Variants in CCNY observed in about 807,000 individuals in gnomAD.
CCNY encodes cyclin-Y.
Under a neutral mutation model 42.8 loss-of-function variants are expected in CCNY, and 19 were observed. That is an observed-to-expected ratio of 0.44 (90% confidence interval 0.31 to 0.65). The LOEUF is 0.65. Ranked by LOEUF, CCNY falls within the 30% of genes least tolerant of loss-of-function variation. The pLI is 0.07. For synonymous variants in CCNY, 165 were observed against 162.7 expected, an observed-to-expected ratio of 1.01 and a Z score of -0.11; for missense variants, 370 against 437.3, an observed-to-expected ratio of 0.85 and a Z score of 1.37.
At chr10:35,525,872 G>T in intron 4 of CCNY, 92 bp from the exon 5 acceptor site, 2 of 1,114,900 alleles carry the variant, frequency 1.8e-6, no homozygotes, top group Non-Finnish European at 2.6e-6. Context: ...TTTTACTTCT[G>T]TTTAAATATT....
intron 1 of CCNY, among the ~76,000 whole-genome samples, chr10:35,462,859 G>A (rs1174086763): frequency 1.3e-5 from 2 of 152,252 alleles, no homozygotes; most frequent in Non-Finnish European, 2.9e-5. Flanking sequence ...GCACTGCTGT[G>A]CTGTGAGGAA....
chr10:35,421,540 T>G (rs1390945572), intron 1 of CCNY, among the ~76,000 whole-genome samples: 1 of 152,222 alleles, frequency 6.6e-6, no homozygotes, highest in Non-Finnish European at 1.5e-5. Flanking sequence ...GACCAAGTAA[T>G]TTTATTTTGC....
chr10:35,505,313 A>T (rs1460171178), intron 3 of CCNY, among the ~76,000 whole-genome samples: 1 of 151,874 alleles, frequency 6.6e-6, no homozygotes, highest in African/African-American at 2.4e-5. Flanking sequence ...ATGAATGAGG[A>T]GTTGAATAGC....
In CCNY at chr10:35,502,447, G is replaced by A. The variant is rs1840129918; in HGVS notation, c.264+912G>A. ...TATTAAAGAGACTTAAAGCCATAATGTTGTATTCTCTGCCCTTTGAAAATA... is the reference window on the plus strand; with the variant it reads ...TATTAAAGAGACTTAAAGCCATAATATTGTATTCTCTGCCCTTTGAAAATA... On this transcript the variant is annotated intron_variant, in intron 3 of 9. Coordinates refer to ENST00000374704, the MANE Select transcript of CCNY (RefSeq NM_145012.6). Among the ~76,000 whole-genome samples the A allele has an allele frequency of 3.9e-5, 6 of 152,330 alleles. No individual in the cohort carries two copies. The South Asian group carries it at 1.2e-3, about 32-fold the overall frequency.
intron 1 of CCNY, among the ~76,000 whole-genome samples, chr10:35,344,641 T>C (rs1836259715): frequency 6.6e-6 from 1 of 152,170 alleles, no homozygotes; most frequent in Non-Finnish European, 1.5e-5. Flanking sequence ...TTATTACATA[T>C]GTATACATGT....
intron 1 of CCNY, among the ~76,000 whole-genome samples, chr10:35,414,760 C>T (rs919212461): frequency 2.0e-5 from 3 of 152,128 alleles, no homozygotes; most frequent in East Asian, 1.9e-4. Context: ...GAGATTTTCA[C>T]GGTGAAGGTG....
intron 3 of CCNY, among the ~76,000 whole-genome samples, chr10:35,502,832 C>T (rs1433101802): frequency 6.6e-6 from 1 of 151,852 alleles, no homozygotes; most frequent in African/African-American, 2.4e-5. Context: ...GCTTCCATTT[C>T]TTTGCCTGCT....
chr10:35,453,485 A>T (rs1487235074), intron 1 of CCNY, among the ~76,000 whole-genome samples: 1 of 152,224 alleles, frequency 6.6e-6, no homozygotes, highest in Non-Finnish European at 1.5e-5. Flanking sequence ...TGAACATCAG[A>T]TCATCTCAGC....
chr10:35,438,256 C>T (rs1838583527), intron 1 of CCNY, among the ~76,000 whole-genome samples: 1 of 151,764 alleles, frequency 6.6e-6, no homozygotes, highest in South Asian at 2.1e-4. Context: ...TAAAGCTGTC[C>T]TCCCACCTCA....
intron 8 of CCNY, among the ~76,000 whole-genome samples, chr10:35,555,078 T>C (rs1356896958): frequency 6.6e-6 from 1 of 152,200 alleles, no homozygotes; most frequent in Non-Finnish European, 1.5e-5. Context: ...GCCCAGTTCA[T>C]GCATATGTCA....
intron 2 of CCNY, among the ~76,000 whole-genome samples, chr10:35,486,716 C>T (rs181548596): frequency 6.6e-5 from 10 of 152,366 alleles, no homozygotes; most frequent in Admixed American, 1.3e-4. Context: ...CCTTCCTTCC[C>T]AGCCAACTTC....
At chr10:35,531,043 C>G (rs559941407) in intron 7 of CCNY, among the ~76,000 whole-genome samples, 52 of 152,282 alleles carry the variant, frequency 3.4e-4, no homozygotes, top group Admixed American at 6.5e-4. Flanking sequence ...CACTCCAGCC[C>G]GAGGGGCAGA....
At chr10:35,345,284 G>A (rs901955557) in intron 1 of CCNY, among the ~76,000 whole-genome samples, 2 of 152,100 alleles carry the variant, frequency 1.3e-5, no homozygotes, top group African/African-American at 2.4e-5. Context: ...GTGTGAGATG[G>A]TATCTCATTA....
chr10:35,472,097 T>G (rs1839402328), intron 1 of CCNY, among the ~76,000 whole-genome samples: 1 of 152,224 alleles, frequency 6.6e-6, no homozygotes, highest in Non-Finnish European at 1.5e-5. Flanking sequence ...GTGCTGTGGC[T>G]TAATGTTTTT....
chr10:35,457,093 T>C (rs774699009), intron 1 of CCNY, among the ~76,000 whole-genome samples: 1 of 152,254 alleles, frequency 6.6e-6, no homozygotes. Context: ...TGTTACAGAT[T>C]GGTTCCACTG....
At chr10:35,494,648 A>G (rs1317665948) in intron 2 of CCNY, among the ~76,000 whole-genome samples, 1 of 152,248 alleles carries the variant, frequency 6.6e-6, no homozygotes, top group Non-Finnish European at 1.5e-5. Context: ...AAATATCACA[A>G]TCTATAGGAA....
At chr10:35,302,988 G>A (rs1224333378) in intron 3 of CCNY, among the ~76,000 whole-genome samples, 1 of 152,052 alleles carries the variant, frequency 6.6e-6, no homozygotes, top group East Asian at 1.9e-4. Context: ...TTGAGGTCAG[G>A]AATTCCAGAC....
At chr10:35,566,930 T>C (rs1019490548) in intron 9 of CCNY, among the ~76,000 whole-genome samples, 4 of 152,080 alleles carry the variant, frequency 2.6e-5, no homozygotes, top group Non-Finnish European at 5.9e-5. Context: ...GCCAGGCTGG[T>C]CTAGAACTCC....
intron 3 of CCNY, among the ~76,000 whole-genome samples, chr10:35,300,322 C>T (rs865871214): frequency 2.6e-5 from 4 of 152,232 alleles, no homozygotes; most frequent in Non-Finnish European, 5.9e-5. Flanking sequence ...ATGCCACGCC[C>T]TGCCTGAGTT....
Sources: allele counts gnomAD v4.1 joint callset (sites outside exome capture counted in the v4.1 genomes callset), GRCh38; gene constraint gnomAD v4.1.1; transcripts MANE v1.5; gene names NCBI Gene and HGNC (gene_info 2026-07-23, HGNC 2026-07-21).